Variants in NRXN3 observed in about 807,000 individuals in gnomAD.
The protein encoded by NRXN3 is neurexin 3.
In NRXN3, 32 loss-of-function variants were observed where a neutral mutation model predicts 137.6. That is an observed-to-expected ratio of 0.23 (90% CI 0.18 to 0.31). The LOEUF (loss-of-function observed/expected upper bound fraction) is 0.31, where lower values mean the gene tolerates loss of function less well. NRXN3 is among the 10% of genes least tolerant of loss of function. The pLI, the probability that NRXN3 is intolerant of heterozygous loss-of-function variation, is 1.00. For missense variants in NRXN3, 1,574 were observed against 2,062.5 expected (o/e 0.76, Z 4.59); for synonymous variants, 798 against 784.5 (o/e 1.02, Z -0.29).
chr14:78,987,906 T>G, intron 14 of NRXN3, 116 bp from the exon 15 acceptor site: 1 of 1,208,322 alleles, frequency 8.3e-7, no homozygotes, highest in Non-Finnish European at 1.1e-6. Flanking sequence ...GTGGTGTGTC[T>G]TCAAATGTTT....
At chr14:79,015,809 A>G (rs2099578238) in intron 15 of NRXN3, among the ~76,000 whole-genome samples, 1 of 152,188 alleles carries the variant, frequency 6.6e-6, no homozygotes, top group African/African-American at 2.4e-5. Flanking sequence ...ATGATACCCT[A>G]CAGCAGGGAG....
chr14:78,589,744 C>T (rs1008645452), intron 4 of NRXN3, among the ~76,000 whole-genome samples: 1 of 152,130 alleles, frequency 6.6e-6, no homozygotes, highest in African/African-American at 2.4e-5. Flanking sequence ...TGTGTCTTCC[C>T]CACCTAGACT....
At chr14:78,452,155 A>G (rs982047156) in intron 4 of NRXN3, among the ~76,000 whole-genome samples, 1 of 152,210 alleles carries the variant, frequency 6.6e-6, no homozygotes, top group African/African-American at 2.4e-5. Flanking sequence ...TGGTACTGAT[A>G]TTATGATGCC....
At chr14:79,401,702 G>A (rs780807335) in intron 15 of NRXN3, among the ~76,000 whole-genome samples, 18 of 151,972 alleles carry the variant, frequency 1.2e-4, no homozygotes, top group Non-Finnish European at 2.5e-4. Context: ...AGAGATGTGC[G>A]GTGGCTTGTT....
At chr14:78,251,169 G>A (rs2068563139) in intron 2 of NRXN3, among the ~76,000 whole-genome samples, 1 of 152,140 alleles carries the variant, frequency 6.6e-6, no homozygotes, top group African/African-American at 2.4e-5. Context: ...CAGGTACCAG[G>A]CAATGCCCAT....
At chr14:78,634,333 C>T (rs2097548635) in intron 4 of NRXN3, among the ~76,000 whole-genome samples, 1 of 152,190 alleles carries the variant, frequency 6.6e-6, no homozygotes, top group East Asian at 1.9e-4. Context: ...CTGTGACCAA[C>T]TCAACTTCAT....
chr14:79,743,164 A>C (rs1020654471), intron 19 of NRXN3, among the ~76,000 whole-genome samples: 3 of 152,162 alleles, frequency 2.0e-5, no homozygotes, highest in African/African-American at 7.2e-5. Context: ...ATTTTCTATA[A>C]TAAAGGTATT....
intron 1 of NRXN3, among the ~76,000 whole-genome samples, chr14:78,175,686 G>A (rs997829145): frequency 6.6e-6 from 1 of 152,028 alleles, no homozygotes; most frequent in African/African-American, 2.4e-5. Context: ...CTGGGCTCGG[G>A]GCAGGTTGGC....
At chr14:78,689,662 A>T (rs1220368355) in intron 6 of NRXN3, among the ~76,000 whole-genome samples, 1 of 152,196 alleles carries the variant, frequency 6.6e-6, no homozygotes, top group Non-Finnish European at 1.5e-5. Flanking sequence ...GTATAGGAAT[A>T]TAGTACAGGG....
intron 16 of NRXN3, among the ~76,000 whole-genome samples, chr14:79,505,898 A>C (rs1430982131): frequency 6.6e-6 from 1 of 152,176 alleles, no homozygotes; most frequent in Non-Finnish European, 1.5e-5. Flanking sequence ...GCACAGTGTG[A>C]CTAGGTCCCC....
intron 4 of NRXN3, among the ~76,000 whole-genome samples, chr14:78,436,933 T>G (rs1293718587): frequency 6.6e-6 from 1 of 152,246 alleles, no homozygotes; most frequent in Non-Finnish European, 1.5e-5. Flanking sequence ...GGGTGATGGC[T>G]AAGAGCATGA....
At chr14:78,509,980 G>A (rs1234461856) in intron 4 of NRXN3, among the ~76,000 whole-genome samples, 1 of 151,114 alleles carries the variant, frequency 6.6e-6, no homozygotes. Flanking sequence ...CTATATAGGG[G>A]AGGAAAAAAA....
chr14:79,630,274 C>A (rs1349788334), intron 16 of NRXN3, among the ~76,000 whole-genome samples: 6 of 152,100 alleles, frequency 3.9e-5, no homozygotes, highest in African/African-American at 1.2e-4. Context: ...GCATACTTGC[C>A]CCCCTCAGCA....
At position 79,563,568 on chromosome 14, in the gene NRXN3, G is replaced by A. The variant is rs570601376; in HGVS notation, c.3444+96166G>A. On this transcript the variant is annotated intron_variant, in intron 16 of 20. Transcript: ENST00000335750. ...TAACTTTAATATTTGACTAGTTAACGGTAGGATTTTTTCCGTTACAGTGCA... is the reference window on the plus strand; with the variant it reads ...TAACTTTAATATTTGACTAGTTAACAGTAGGATTTTTTCCGTTACAGTGCA... 1.0e-3 allele frequency among the ~76,000 whole-genome samples: 158 copies of A among 151,612 alleles called. 2 individuals carry two copies. Among genetic ancestry groups the A allele is most frequent in the Middle Eastern group, 3.4e-3 (1 of 292 alleles).
At chr14:78,815,089 T>G (rs1422307551) in intron 10 of NRXN3, among the ~76,000 whole-genome samples, 31 of 152,224 alleles carry the variant, frequency 2.0e-4, no homozygotes, top group Non-Finnish European at 7.3e-5. Flanking sequence ...ATTGTGAGTT[T>G]GTGTATAAGC....
chr14:79,133,716 G>A (rs1343996981), intron 15 of NRXN3, among the ~76,000 whole-genome samples: 1 of 151,920 alleles, frequency 6.6e-6, no homozygotes, highest in African/African-American at 2.4e-5. Flanking sequence ...ACGAGGTCAG[G>A]GGATCGAGAC....
At chr14:78,926,898 ATAAT>A (rs1299446795) in intron 10 of NRXN3, among the ~76,000 whole-genome samples, 3 of 27,044 alleles carry the variant, frequency 1.1e-4, no homozygotes, top group Admixed American at 6.3e-4. Flanking sequence ...ATATATATAT[ATAAT>A]ATATATAATA....
chr14:79,831,810 GTTCAGAACT>G (rs2141261351), intron 20 of NRXN3, among the ~76,000 whole-genome samples: 1 of 152,264 alleles, frequency 6.6e-6, no homozygotes, highest in South Asian at 2.1e-4. Flanking sequence ...CAGTTTTGCA[GTTCAGAACT>G]TGAAGTCAGC....
intron 4 of NRXN3, among the ~76,000 whole-genome samples, chr14:78,308,136 C>G (rs559941385): frequency 3.3e-5 from 5 of 151,680 alleles, no homozygotes; most frequent in Non-Finnish European, 5.9e-5. Flanking sequence ...ATTTGTTCGA[C>G]TAAAGAGCCA....
Sources: allele counts gnomAD v4.1 joint callset (sites outside exome capture counted in the v4.1 genomes callset), GRCh38; gene constraint gnomAD v4.1.1; transcripts MANE v1.5; gene names NCBI Gene and HGNC (gene_info 2026-07-23, HGNC 2026-07-21).